ESF1: variants seen among roughly 807,000 people sequenced by gnomAD.
ESF1 encodes ESF1 homolog.
Under a neutral mutation model 92.0 loss-of-function variants are expected in ESF1, and 58 were observed. That is an observed-to-expected ratio of 0.63 (90% CI 0.51 to 0.78). ESF1 has a LOEUF of 0.78. ESF1 is among the 30% of genes least tolerant of loss of function. The pLI is 0.00. For missense variants in ESF1, 922 were observed against 989.1 expected, an observed-to-expected ratio of 0.93 and a Z score of 0.91; for synonymous variants, 321 against 313.7, an observed-to-expected ratio of 1.02 and a Z score of -0.24.
In ESF1 at chr20:13,782,426, ATG is replaced by A. The variant is rs779752320; in HGVS notation, c.637+76_637+77del. On this transcript the variant is annotated intron_variant, in intron 2 of 13. Transcript: ENST00000617257. ...CATAATACTATGAAAATACTTATTA[ATG>A]TGTTTACATTTTTGAAAGATCAGTA... The A allele has an allele frequency of 2.7e-5, 32 of 1,190,494 alleles. No homozygotes were observed. In the South Asian group the frequency reaches 3.9e-4, roughly 15 times the overall value. 73.7% of individuals were successfully genotyped at this position (1,190,494 alleles called of 1,614,324 possible).
chr20:13,730,397 T>C (rs531338169), intron 10 of ESF1, among the ~76,000 whole-genome samples: 5 of 151,444 alleles, frequency 3.3e-5, no homozygotes, highest in African/African-American at 1.2e-4. Context: ...TTTTTTTTTT[T>C]TTTTGAGACG....
chr20:13,760,597 G>A (rs1424266027), intron 8 of ESF1, among the ~76,000 whole-genome samples: 16 of 148,016 alleles, frequency 1.1e-4, no homozygotes, highest in African/African-American at 1.5e-4. Flanking sequence ...CCCTCCGCCC[G>A]GCAGCCACCC....
intron 9 of ESF1, among the ~76,000 whole-genome samples, chr20:13,757,060 T>C (rs538074718): frequency 3.0e-4 from 46 of 152,238 alleles, no homozygotes; most frequent in Non-Finnish European, 6.0e-4. Context: ...AGAGAAATGG[T>C]AAATTAAACT....
chr20:13,741,466 C>T lies in ESF1; in HGVS notation c.1829-7624G>A, dbSNP rs142145704. Among the ~76,000 whole-genome samples the T allele has an allele frequency of 1.2e-4, 18 of 152,218 alleles. No individual in the cohort carries two copies. In the East Asian group the frequency reaches 3.3e-3, roughly 28 times the overall value. On this transcript the variant is annotated intron_variant, in intron 9 of 13. Coordinates refer to ENST00000617257, the MANE Select transcript of ESF1 (RefSeq NM_001276380.2). ...GTCTAGGGATAGGCAGACGAACTGA[C>T]CAGTAAAACACAGAGCCAAGCAACA...
intron 5 of ESF1, among the ~76,000 whole-genome samples, chr20:13,771,935 G>A (rs1221178887): frequency 2.2e-5 from 3 of 138,038 alleles, no homozygotes; most frequent in Non-Finnish European, 3.1e-5. Context: ...TTTTTTTTAA[G>A]GTTCCACACA....
At chr20:13,716,161 C>G (rs1312441436) in intron 13 of ESF1, among the ~76,000 whole-genome samples, 1 of 152,160 alleles carries the variant, frequency 6.6e-6, no homozygotes, top group Admixed American at 6.5e-5. Context: ...CAAATTTCCC[C>G]CATCTTACTC....
At position 13,782,805 on chromosome 20, in the gene ESF1, C is replaced by G; in HGVS notation, c.336G>C (p.Glu112Asp). 6.2e-7 allele frequency: 1 copy of G among 1,604,342 alleles called. No homozygotes were observed. Among genetic ancestry groups the G allele is most frequent in the Non-Finnish European group, 8.5e-7 (1 of 1,177,972 alleles). Residue 112 changes from glutamate to aspartate, a missense_variant, in exon 2 of 14, where the codon GAG becomes GAC. Coordinates refer to ENST00000617257, the MANE Select transcript of ESF1 (RefSeq NM_001276380.2). ...TAGCCTTCTTGGTTTCTTTCTTTTT[C>G]TCAACTAGATTTTTTGAATCGATTT... ...KKEIDSKNLV[E>D]KKKETKKANH...
At chr20:13,725,002 C>T (rs1040218379) in intron 11 of ESF1, among the ~76,000 whole-genome samples, 1 of 152,182 alleles carries the variant, frequency 6.6e-6, no homozygotes, top group African/African-American at 2.4e-5. Context: ...TCTGGCCTGG[C>T]CTTCAAATTT....
chr20:13,760,363 C>A (rs949861737), intron 8 of ESF1, among the ~76,000 whole-genome samples: 1 of 150,732 alleles, frequency 6.6e-6, no homozygotes, highest in East Asian at 2.0e-4. Flanking sequence ...CATCTCTGCC[C>A]GGCCGCCCAT....
At chr20:13,748,592 A>ATATATATT (rs1331098586) in intron 9 of ESF1, among the ~76,000 whole-genome samples, 14 of 95,722 alleles carry the variant, frequency 1.5e-4, no homozygotes, top group African/African-American at 9.0e-4. Context: ...ATATATATAT[A>ATATATATT]TTTTTTTTTT....
chr20:13,723,306 G>C (rs527261002), intron 11 of ESF1, among the ~76,000 whole-genome samples: 1 of 152,110 alleles, frequency 6.6e-6, no homozygotes, highest in African/African-American at 2.4e-5. Context: ...ATCAGATGCA[G>C]TCTGTTAAGG....
rs778005727 is a variant in ESF1 at position 13,783,012 on chromosome 20, A to G, written c.129T>C (p.His43=). 26 of 1,614,056 alleles carry G rather than the reference A, an allele frequency of 1.6e-5. No individual in the cohort carries two copies. The highest frequency in any genetic ancestry group is 2.0e-5 in the Non-Finnish European group (24 of 1,180,040). The change falls in exon 2 of 14, where the codon CAT becomes CAC. Residue 43 remains histidine, a synonymous_variant. Coordinates refer to ENST00000617257, the MANE Select transcript of ESF1 (RefSeq NM_001276380.2). The stretch of plus-strand genomic sequence containing the variant: ...CATAGTTCAACTTGAACTTCTTGTC[A>G]TGAAACATGGCTCGAAATCTCTTGT... ...KIDKRFRAMF[H]DKKFKLNYAV...
chr20:13,783,785 G>A (rs1044046057), intron 1 of ESF1, among the ~76,000 whole-genome samples: 2 of 152,194 alleles, frequency 1.3e-5, no homozygotes, highest in Admixed American at 6.5e-5. Context: ...CAGCACACCA[G>A]CTGGGGCAAC....
chr20:13,770,141 A>G (rs1979619295), intron 6 of ESF1, 120 bp from the exon 7 acceptor site: 7 of 602,950 alleles, frequency 1.2e-5, no homozygotes, highest in African/African-American at 1.9e-5. Context: ...CACACGTTTA[A>G]GAGACAATGT....
At chr20:13,745,874 T>C (rs922532686) in intron 9 of ESF1, among the ~76,000 whole-genome samples, 10 of 151,966 alleles carry the variant, frequency 6.6e-5, no homozygotes, top group African/African-American at 2.2e-4. Flanking sequence ...GGTAAAACTA[T>C]ATAGAAAAGA....
At chr20:13,753,267 A>G (rs1036389850) in intron 9 of ESF1, among the ~76,000 whole-genome samples, 2 of 151,702 alleles carry the variant, frequency 1.3e-5, no homozygotes, top group African/African-American at 4.8e-5. Context: ...TTTATCTGCT[A>G]AGTGGAGTTT....
At chr20:13,784,654 C>A (rs1980564322) in intron 1 of ESF1, among the ~76,000 whole-genome samples, 1 of 152,040 alleles carries the variant, frequency 6.6e-6, no homozygotes, top group Non-Finnish European at 1.5e-5. Flanking sequence ...CTTTCCACCT[C>A]CTGTACCGCA....
chr20:13,775,128 A>T, intron 4 of ESF1, 29 bp downstream of exon 4: 1 of 1,424,970 alleles, frequency 7.0e-7, no homozygotes. Flanking sequence ...GCCTAGAAAT[A>T]TTTATTTCAA....
intron 4 of ESF1, among the ~76,000 whole-genome samples, chr20:13,774,074 G>A (rs528558455): frequency 2.2e-4 from 34 of 151,132 alleles, no homozygotes; most frequent in Middle Eastern, 3.4e-3. Flanking sequence ...CAGCCTGGGC[G>A]ACAGAGCGAG....
Sources: allele counts gnomAD v4.1 joint callset (sites outside exome capture counted in the v4.1 genomes callset), GRCh38; gene constraint gnomAD v4.1.1; transcripts MANE v1.5; gene names NCBI Gene and HGNC (gene_info 2026-07-23, HGNC 2026-07-21).